SPAG16: variants seen among roughly 807,000 people sequenced by gnomAD.
The protein encoded by SPAG16 is sperm associated antigen 16, also known as sperm-associated antigen 16 protein.
Under a neutral mutation model 80.4 loss-of-function variants are expected in SPAG16, and 86 were observed. That is an observed-to-expected ratio of 1.07 (90% CI 0.90 to 1.28). SPAG16 has a LOEUF of 1.28. Among genes scored for constraint, SPAG16 ranks in the 50% most tolerant of loss-of-function variants. SPAG16 has a pLI of 0.00. For synonymous variants in SPAG16, 294 were observed against 265.9 expected (o/e 1.11, Z -1.03); for missense variants, 870 against 765.3 (o/e 1.14, Z -1.61).
intron 3 of SPAG16, among the ~76,000 whole-genome samples, chr2:213,306,741 G>A (rs535177319): frequency 5.3e-5 from 8 of 152,088 alleles, no homozygotes; most frequent in African/African-American, 1.9e-4. Context: ...CACTATTTTC[G>A]AATGTAAAAA....
rs1054831202 is a variant in SPAG16 at position 213,594,807 on chromosome 2, A to G, written c.1070+104717A>G. Among the ~76,000 whole-genome samples, 3 of 152,166 alleles carry G rather than the reference A, an allele frequency of 2.0e-5. No homozygotes were observed. The South Asian group carries it at 6.2e-4, about 32-fold the overall frequency. ...ACACAAACTTTTTCATTCTTTTTAAATCCTTCGTCTTGAACATATGTTCTT... is the reference window on the plus strand; with the variant it reads ...ACACAAACTTTTTCATTCTTTTTAAGTCCTTCGTCTTGAACATATGTTCTT... On this transcript the variant is annotated intron_variant, in intron 10 of 15. Transcript: ENST00000331683.
chr2:214,334,711 T>A (rs1697158876), intron 15 of SPAG16, among the ~76,000 whole-genome samples: 1 of 152,218 alleles, frequency 6.6e-6, no homozygotes, highest in Non-Finnish European at 1.5e-5. Context: ...AACTGAGATA[T>A]GCCCTGCCCT....
intron 14 of SPAG16, among the ~76,000 whole-genome samples, chr2:214,110,082 A>G (rs1186052614): frequency 1.3e-5 from 2 of 152,196 alleles, no homozygotes; most frequent in South Asian, 2.1e-4. Context: ...TTAATTTCCC[A>G]TATTTCAAAG....
chr2:213,285,797 T>C, intron 1 of SPAG16: 1 of 731,552 alleles, frequency 1.4e-6, no homozygotes. Flanking sequence ...GTGTCATAAA[T>C]GAGGTTTTAT....
chr2:213,435,302 A>G (rs1193838435), intron 9 of SPAG16, among the ~76,000 whole-genome samples: 3 of 152,200 alleles, frequency 2.0e-5, no homozygotes, highest in African/African-American at 7.2e-5. Flanking sequence ...CAAATGCTGT[A>G]TGGTCTCACT....
intron 9 of SPAG16, among the ~76,000 whole-genome samples, chr2:213,456,537 T>G (rs952710992): frequency 6.6e-5 from 10 of 152,234 alleles, no homozygotes; most frequent in Non-Finnish European, 1.2e-4. Flanking sequence ...TTAATAGATT[T>G]TCATTTGAGT....
At chr2:213,542,340 A>T (rs1237414229) in intron 10 of SPAG16, among the ~76,000 whole-genome samples, 1 of 152,146 alleles carries the variant, frequency 6.6e-6, no homozygotes, top group Non-Finnish European at 1.5e-5. Context: ...GTGTTTTCTT[A>T]TTCATTAAGA....
At chr2:213,302,041 A>G (rs79984017) in intron 3 of SPAG16, among the ~76,000 whole-genome samples, 2,793 of 152,256 alleles carry the variant, frequency 0.018, 109 homozygotes, top group African/African-American at 0.064. Context: ...TGTTGCAATC[A>G]TAACACAATA....
At chr2:214,343,214 T>C (rs188556122) in intron 15 of SPAG16, among the ~76,000 whole-genome samples, 535 of 152,284 alleles carry the variant, frequency 3.5e-3, no homozygotes, top group Non-Finnish European at 6.1e-3. Flanking sequence ...TCATCTTATA[T>C]ATGGAGGAAT....
chr2:213,584,181 G>T (rs931410715), intron 10 of SPAG16, among the ~76,000 whole-genome samples: 1 of 152,028 alleles, frequency 6.6e-6, no homozygotes, highest in African/African-American at 2.4e-5. Flanking sequence ...TTCTTCATTG[G>T]ATTTTTTTTT....
intron 15 of SPAG16, among the ~76,000 whole-genome samples, chr2:214,382,445 T>C (rs892748968): frequency 3.9e-5 from 6 of 152,188 alleles, no homozygotes. Flanking sequence ...GACTCAACAT[T>C]AGTGTAATAA....
At chr2:213,686,408 G>T (rs112842476) in intron 10 of SPAG16, among the ~76,000 whole-genome samples, 169 of 151,674 alleles carry the variant, frequency 1.1e-3, no homozygotes, top group Non-Finnish European at 2.0e-3. Context: ...GAGCCAAAGC[G>T]CCCGGCTGTT....
intron 15 of SPAG16, among the ~76,000 whole-genome samples, chr2:214,313,809 C>T (rs1278779741): frequency 1.3e-5 from 2 of 152,058 alleles, no homozygotes; most frequent in African/African-American, 4.8e-5. Context: ...TGAATGGCAG[C>T]ATAACATTTA....
intron 10 of SPAG16, among the ~76,000 whole-genome samples, chr2:213,833,513 A>ATATATATAT (rs2073860615): frequency 0.014 from 12 of 886 alleles, 2 homozygotes; most frequent in Non-Finnish European, 0.015. Flanking sequence ...ATTATATATA[A>ATATATATAT]TATATATAAT....
At chr2:213,314,989 A>G (rs1276316614) in intron 4 of SPAG16, among the ~76,000 whole-genome samples, 3 of 150,490 alleles carry the variant, frequency 2.0e-5, no homozygotes. Flanking sequence ...AGAAAAAATC[A>G]GATAAAGTAT....
chr2:213,318,199 A>G (rs933991803), intron 5 of SPAG16, among the ~76,000 whole-genome samples: 4 of 151,768 alleles, frequency 2.6e-5, no homozygotes, highest in African/African-American at 9.7e-5. Flanking sequence ...TTCCACCCAC[A>G]CTCTTACGTT....
intron 9 of SPAG16, among the ~76,000 whole-genome samples, chr2:213,481,786 G>A (rs1192987779): frequency 5.9e-5 from 9 of 152,182 alleles, no homozygotes; most frequent in African/African-American, 2.2e-4. Flanking sequence ...TTAGTAAAAG[G>A]AACACAAATG....
intron 10 of SPAG16, among the ~76,000 whole-genome samples, chr2:213,573,392 A>G (rs1448658848): frequency 6.6e-6 from 1 of 152,352 alleles, no homozygotes; most frequent in Non-Finnish European, 1.5e-5. Context: ...CTTCAACAGG[A>G]TGCTGTTATT....
chr2:213,990,657 G>A (rs898282074), intron 12 of SPAG16, among the ~76,000 whole-genome samples: 1 of 152,126 alleles, frequency 6.6e-6, no homozygotes, highest in African/African-American at 2.4e-5. Context: ...CTTCATCCTT[G>A]TTATCTTCAC....
Sources: allele counts gnomAD v4.1 joint callset (sites outside exome capture counted in the v4.1 genomes callset), GRCh38; gene constraint gnomAD v4.1.1; transcripts MANE v1.5; gene names NCBI Gene and HGNC (gene_info 2026-07-23, HGNC 2026-07-21).